The following TGFBR1 variants were observed in gnomAD, a reference collection of about 807,000 sequenced individuals.
TGFBR1 encodes the protein TGF-beta receptor type-1.
Under a neutral mutation model 55.1 loss-of-function variants are expected in TGFBR1, and 20 were observed. The observed-to-expected ratio is 0.36, with a 90% confidence interval of 0.26 to 0.53. The LOEUF (loss-of-function observed/expected upper bound fraction) is 0.53. Ranked by LOEUF, TGFBR1 falls within the 20% of genes least tolerant of loss-of-function variation. TGFBR1 has a pLI of 0.91. For missense variants in TGFBR1, 385 were observed against 617.6 expected (o/e 0.62, Z 3.99); for synonymous variants, 220 against 214.8 (o/e 1.02, Z -0.21).
At position 99,152,762 on chromosome 9, in the gene TGFBR1, A is replaced by G. The variant is rs940320312; in HGVS notation, c.*3457A>G. 1.0e-4 allele frequency: 23 copies of G among 229,552 alleles called. No individual in the cohort carries two copies. The highest frequency in any genetic ancestry group is 2.6e-3 in the Middle Eastern group (2 of 768). 14.2% of individuals were successfully genotyped at this position (229,552 alleles called of 1,614,324 possible). On this transcript the variant is annotated 3_prime_UTR_variant, in exon 9 of 9. Coordinates refer to ENST00000374994, the MANE Select transcript of TGFBR1 (RefSeq NM_004612.4). ...GGTTCTGTTAACACTTTGGCAGAAAATGCCAGCTCAGATATTTTGAGATAC... is the reference window on the plus strand; with the variant it reads ...GGTTCTGTTAACACTTTGGCAGAAAGTGCCAGCTCAGATATTTTGAGATAC...
Position 99,149,433 on chromosome 9 carries a change from TAA to T in TGFBR1, c.*130_*131del. On this transcript the variant is annotated 3_prime_UTR_variant, in exon 9 of 9. Coordinates refer to ENST00000374994, the MANE Select transcript of TGFBR1 (RefSeq NM_004612.4). ...ATTGCTTCCTTTTGCAGCAGTGTAA[TAA>T]AGTCAATTAAAAACTTCCCAGGATT... The T allele has an allele frequency of 7.3e-7, 1 of 1,367,554 alleles. No homozygotes were observed. The highest frequency in any genetic ancestry group is 1.0e-6 in the Non-Finnish European group (1 of 973,954). 84.7% of individuals were successfully genotyped at this position (1,367,554 alleles called of 1,614,324 possible).
intron 2 of TGFBR1, among the ~76,000 whole-genome samples, chr9:99,132,295 T>C (rs925896515): frequency 2.0e-5 from 3 of 152,156 alleles, no homozygotes; most frequent in African/African-American, 7.2e-5. Context: ...AAGTGGGTGC[T>C]GACAGAGCTG....
In TGFBR1 at chr9:99,150,378, G is replaced by C. The variant is rs1827947739; in HGVS notation, c.*1073G>C. 9.6e-6 allele frequency: 2 copies of C among 208,980 alleles called. No homozygotes were observed. The highest frequency in any genetic ancestry group is 2.0e-5 in the Non-Finnish European group (2 of 102,466). 12.9% of individuals were successfully genotyped at this position (208,980 alleles called of 1,614,324 possible). On this transcript the variant is annotated 3_prime_UTR_variant, in exon 9 of 9. Coordinates refer to ENST00000374994, the MANE Select transcript of TGFBR1 (RefSeq NM_004612.4). ...CTTGTGAAAAGTTATGTGGTATTCT[G>C]TAAGCCATTTTTTTCTTTATCTGTT... is the stretch of plus-strand genomic sequence containing the variant.
At chr9:99,134,896 C>G (rs1827386647) in intron 3 of TGFBR1, among the ~76,000 whole-genome samples, 1 of 131,504 alleles carries the variant, frequency 7.6e-6, no homozygotes, top group African/African-American at 2.9e-5. Flanking sequence ...TCTCTGAAAG[C>G]TTCTCTCCCT....
intron 1 of TGFBR1, among the ~76,000 whole-genome samples, chr9:99,113,938 A>AT (rs1826657536): frequency 6.6e-6 from 1 of 152,204 alleles, no homozygotes; most frequent in African/African-American, 2.4e-5. Flanking sequence ...AATTTCTTAC[A>AT]TTAGGTAGGA....
Position 99,132,614 on chromosome 9 carries a change from A to G in TGFBR1, c.449A>G (p.Asn150Ser), listed in dbSNP as rs945370154. 6.2e-7 allele frequency: 1 copy of G among 1,614,134 alleles called. No homozygotes were observed. The highest frequency in any genetic ancestry group is 8.5e-7 in the Non-Finnish European group (1 of 1,180,010). Residue 150 changes from asparagine (N) to serine (S), a missense_variant, in exon 3 of 9, where the codon AAC becomes AGC. Coordinates refer to ENST00000374994, the MANE Select transcript of TGFBR1 (RefSeq NM_004612.4). ...SLMLMVYICH[N>S]RTVIHHRVPN... Reference sequence around the variant, plus strand: ...ATGTTGATGGTCTATATCTGCCACAACCGCACTGTCATTCACCATCGAGTG... The same window carrying G: ...ATGTTGATGGTCTATATCTGCCACAGCCGCACTGTCATTCACCATCGAGTG...
intron 1 of TGFBR1, among the ~76,000 whole-genome samples, chr9:99,119,311 T>C (rs1377015933): frequency 1.3e-5 from 2 of 152,114 alleles, no homozygotes; most frequent in African/African-American, 4.8e-5. Flanking sequence ...TGTATGTCAT[T>C]CCCCTAGCCC....
At chr9:99,121,407 A>G (rs1826895580) in intron 1 of TGFBR1, among the ~76,000 whole-genome samples, 2 of 152,158 alleles carry the variant, frequency 1.3e-5, no homozygotes, top group East Asian at 3.8e-4. Flanking sequence ...AATAAAAAGA[A>G]AAGGAGAATC....
At chr9:99,107,804 C>T (rs1826456943) in intron 1 of TGFBR1, among the ~76,000 whole-genome samples, 1 of 152,208 alleles carries the variant, frequency 6.6e-6, no homozygotes, top group African/African-American at 2.4e-5. Flanking sequence ...GACCTTCGAG[C>T]AATTTCTCTT....
In TGFBR1 at chr9:99,134,805, TATATATATATATATATA is replaced by T. The variant is rs1827373376; in HGVS notation, c.574+2067_574+2083del. ...CAATGGAATAATTCTGTTTCCATTATATATATATATATATATATATATATATATATATATATATATAT... is the reference window on the plus strand; with the variant it reads ...CAATGGAATAATTCTGTTTCCATTATTATATATATATATATATATATATAT... On this transcript the variant is annotated intron_variant, in intron 3 of 8. Coordinates refer to ENST00000374994, the MANE Select transcript of TGFBR1 (RefSeq NM_004612.4). Among the ~76,000 whole-genome samples, 125 of 31,790 alleles carry T rather than the reference TATATATATATATATATA, an allele frequency of 3.9e-3. 4 individuals carry two copies. The highest frequency in any genetic ancestry group is 0.045 in the Middle Eastern group (2 of 44). The allele number at this position is 31,790 out of a possible 152,430, so 20.9% of individuals were successfully genotyped here.
intron 1 of TGFBR1, among the ~76,000 whole-genome samples, chr9:99,111,244 A>G (rs1487497342): frequency 6.6e-6 from 1 of 151,520 alleles, no homozygotes; most frequent in African/African-American, 2.4e-5. Flanking sequence ...TAGAGAAAGG[A>G]AAAAAACCAT....
At position 99,154,116 on chromosome 9, in the gene TGFBR1, A is replaced by G. The variant is rs537077567; in HGVS notation, c.*4811A>G. 4 of 228,152 alleles carry G rather than the reference A, an allele frequency of 1.8e-5. No individual in the cohort carries two copies. In the East Asian group the frequency reaches 2.5e-4, roughly 14 times the overall value. The allele number at this position is 228,152 out of a possible 1,614,324, so 14.1% of individuals were successfully genotyped here. Reference sequence around the variant, plus strand: ...TTTAGGGATTTTTTTTTTTCCTTATAACAAAGACATCACCAGGATATGAAG... The same window carrying G: ...TTTAGGGATTTTTTTTTTTCCTTATGACAAAGACATCACCAGGATATGAAG... On this transcript the variant is annotated 3_prime_UTR_variant, in exon 9 of 9. Transcript: ENST00000374994.
intron 1 of TGFBR1, among the ~76,000 whole-genome samples, chr9:99,118,669 A>G (rs1380046284): frequency 7.1e-6 from 1 of 140,040 alleles, no homozygotes; most frequent in African/African-American, 2.7e-5. Flanking sequence ...TTTTTGAGAC[A>G]GGATCTCACT....
intron 3 of TGFBR1, among the ~76,000 whole-genome samples, chr9:99,134,820 A>T (rs1451050447): frequency 6.6e-5 from 6 of 90,960 alleles, no homozygotes; most frequent in African/African-American, 2.3e-4. Flanking sequence ...ATATATATAT[A>T]TATATATATA....
chr9:99,132,782 A>C lies in TGFBR1; in HGVS notation c.574+43A>C, dbSNP rs764588118. ...CCTTTTTCCTAAGACATCTTTTTAA[A>C]ATTAAGCGATACTTATTTTATTAGT... On this transcript the variant is annotated intron_variant, in intron 3 of 8. Coordinates refer to ENST00000374994, the MANE Select transcript of TGFBR1 (RefSeq NM_004612.4). The C allele has an allele frequency of 4.8e-5, 77 of 1,611,914 alleles. No individual in the cohort carries two copies. The Admixed American group carries it at 1.2e-3, about 26-fold the overall frequency.
Position 99,142,582 on chromosome 9 carries a change from G to A in TGFBR1, c.852G>A (p.Glu284=). Residue 284 remains glutamate, a synonymous_variant, in exon 5 of 9, where the codon GAG becomes GAA. Transcript: ENST00000374994. ...TQLWLVSDYH[E]HGSLFDYLNR... is the part of the protein sequence containing the mutation. ...TCTGGTTGGTGTCAGATTATCATGAGCATGGATCCCTTTTTGATTACTTAA... is the reference window on the plus strand; with the variant it reads ...TCTGGTTGGTGTCAGATTATCATGAACATGGATCCCTTTTTGATTACTTAA... The A allele has an allele frequency of 6.2e-7, 1 of 1,614,084 alleles. No individual in the cohort carries two copies. Among genetic ancestry groups the A allele is most frequent in the South Asian group, 1.1e-5 (1 of 91,086 alleles).
chr9:99,103,702 A>T (rs984708729), upstream of TGFBR1, among the ~76,000 whole-genome samples: 10 of 152,066 alleles, frequency 6.6e-5, no homozygotes, highest in Non-Finnish European at 1.5e-5. Flanking sequence ...CAGGCCTCTG[A>T]GCCTGTTGGA....
chr9:99,134,710 G>A (rs944086746), intron 3 of TGFBR1, among the ~76,000 whole-genome samples: 2 of 150,314 alleles, frequency 1.3e-5, no homozygotes, highest in East Asian at 1.9e-4. Flanking sequence ...AAAGGAATTG[G>A]TGGGTGGGTG....
At position 99,132,520 on chromosome 9, in the gene TGFBR1, C is replaced by T. The variant is rs1306997419; in HGVS notation, c.355C>T (p.Pro119Ser). 4 of 1,613,994 alleles carry T rather than the reference C, an allele frequency of 2.5e-6. No homozygotes were observed. The highest frequency in any genetic ancestry group is 3.4e-6 in the Non-Finnish European group (4 of 1,180,034). The change falls in exon 3 of 9, where the codon CCT becomes TCT. Residue 119 changes from proline (P) to serine (S), a missense_variant. By Grantham distance (74) the Pro-to-Ser change is moderately conservative. This residue lies in a region of TGFBR1 where 146 missense variants were observed against 167.7 expected (regional missense o/e 0.87). Coordinates refer to ENST00000374994, the MANE Select transcript of TGFBR1 (RefSeq NM_004612.4). ...IELPTTVKSS[P>S]GLGPVELAAV... The stretch of plus-strand genomic sequence containing the variant: ...AGGCCCTTTTTCAGTAAAGTCATCA[C>T]CTGGCCTTGGTCCTGTGGAACTGGC...
Sources: gnomAD v4.1 joint callset for allele counts (sites outside exome capture counted in the v4.1 genomes callset) on GRCh38, gnomAD v4.1.1 for gene constraint, gnomAD v4.1.1 regional missense constraint, MANE v1.5 for transcripts, NCBI Gene and HGNC (gene_info 2026-07-23, HGNC 2026-07-21) for gene names.